Variants in ZBTB16 observed in about 807,000 individuals in gnomAD.
ZBTB16 encodes zinc finger and BTB domain-containing protein 16.
A neutral mutation model predicts 56.8 loss-of-function variants in ZBTB16; 8 were observed. That is an observed-to-expected ratio of 0.14 (90% CI 0.08 to 0.25). The LOEUF is 0.25. ZBTB16 is among the 10% of genes least tolerant of loss of function. The pLI is 1.00. For synonymous variants in ZBTB16, 363 were observed against 368.5 expected (o/e 0.98, Z 0.17); for missense variants, 625 against 903.0 (o/e 0.69, Z 3.95).
intron 5 of ZBTB16, among the ~76,000 whole-genome samples, 184 bp downstream of exon 5, chr11:114,242,521 TGGACCGTCG>T (rs1261227009): frequency 6.6e-6 from 1 of 152,198 alleles, no homozygotes; most frequent in African/African-American, 2.4e-5. Context: ...TCCCCTCCTG[TGGACCGTCG>T]GTTCAAAGTC....
chr11:114,173,446 G>C (rs1236661367), intron 3 of ZBTB16, among the ~76,000 whole-genome samples: 1 of 152,148 alleles, frequency 6.6e-6, no homozygotes, highest in Non-Finnish European at 1.5e-5. Context: ...CTCTTTCCCA[G>C]CTGTCACCAA....
rs1263850100 is a variant in ZBTB16 at position 114,156,449 on chromosome 11, C to T, written c.1366+15C>T. On this transcript the variant is annotated intron_variant, in intron 3 of 6. Coordinates refer to ENST00000335953, the MANE Select transcript of ZBTB16 (RefSeq NM_006006.6). ...GGCTCATTCAGGTAGGCAAGTTCGC[C>T]TTAGTGGCCCGTTCAGATACAGGCA... 5 of 1,612,934 alleles carry T rather than the reference C, an allele frequency of 3.1e-6. No homozygotes were observed. The Admixed American group carries it at 6.7e-5, about 22-fold the overall frequency.
At chr11:114,235,623 TCCC>T (rs1565701411) in intron 4 of ZBTB16, among the ~76,000 whole-genome samples, 4 of 50,300 alleles carry the variant, frequency 8.0e-5, no homozygotes, top group Non-Finnish European at 1.5e-4. Context: ...TCTTTCCCTC[TCCC>T]TTCCTTTCTT....
In ZBTB16 at chr11:114,251,115, C is replaced by T. The variant is rs1944910424; in HGVS notation, c.*560C>T. On this transcript the variant is annotated 3_prime_UTR_variant, in exon 7 of 7. Transcript: ENST00000335953. ...GTTTCTCTTCCCACCACTCAGCCCA[C>T]CTGCTGCTTTCCTCTGCTTTGCCAC... 6.6e-6 allele frequency among the ~76,000 whole-genome samples: 1 copy of T among 152,262 alleles called. No homozygotes were observed. Among genetic ancestry groups the T allele is most frequent in the South Asian group, 2.1e-4 (1 of 4,820 alleles).
At chr11:114,189,711 A>G (rs1943446710) in intron 4 of ZBTB16, 1 of 151,004 alleles carries the variant, frequency 6.6e-6, no homozygotes, top group African/African-American at 2.4e-5. Flanking sequence ...AGTTGCAGTG[A>G]GCTGAGATTG....
intron 2 of ZBTB16, among the ~76,000 whole-genome samples, chr11:114,132,769 T>C (rs1941700050): frequency 6.6e-6 from 1 of 152,162 alleles, no homozygotes; most frequent in Non-Finnish European, 1.5e-5. Context: ...TTAAGAGCTG[T>C]TATCACGGAT....
At chr11:114,110,077 T>A (rs1272679961) in intron 2 of ZBTB16, among the ~76,000 whole-genome samples, 1 of 151,818 alleles carries the variant, frequency 6.6e-6, no homozygotes, top group African/African-American at 2.4e-5. Context: ...AGAAGGGGCG[T>A]GAAGAATGTG....
At chr11:114,154,604 C>T (rs1021843468) in intron 2 of ZBTB16, among the ~76,000 whole-genome samples, 1 of 152,270 alleles carries the variant, frequency 6.6e-6, no homozygotes, top group East Asian at 1.9e-4. Flanking sequence ...ATTGTGAAAT[C>T]TATTTAGAGT....
intron 4 of ZBTB16, among the ~76,000 whole-genome samples, chr11:114,201,786 T>G (rs1305854474): frequency 6.6e-6 from 1 of 152,150 alleles, no homozygotes; most frequent in Non-Finnish European, 1.5e-5. Flanking sequence ...TCTTTAGAAG[T>G]GGGATTATAG....
chr11:114,205,332 C>T (rs1943838190), intron 4 of ZBTB16, among the ~76,000 whole-genome samples: 2 of 152,002 alleles, frequency 1.3e-5, no homozygotes, highest in South Asian at 4.2e-4. Flanking sequence ...ATGACGTGAA[C>T]CCGGGAGGTG....
At chr11:114,232,862 G>A (rs521374) in intron 4 of ZBTB16, among the ~76,000 whole-genome samples, 43,416 of 152,092 alleles carry the variant, frequency 0.29, 7,320 homozygotes, top group East Asian at 0.4. Context: ...GCTGCTTACT[G>A]CTGATTTATA....
intron 2 of ZBTB16, among the ~76,000 whole-genome samples, chr11:114,074,832 C>G (rs1939486510): frequency 6.6e-6 from 1 of 152,212 alleles, no homozygotes. Flanking sequence ...GCCGGGGAGA[C>G]CCTGTGCAGG....
chr11:114,060,144 T>G lies in ZBTB16; in HGVS notation c.-91+262T>G. 5.1e-6 allele frequency: 1 copy of G among 197,472 alleles called. No homozygotes were observed. Among genetic ancestry groups the G allele is most frequent in the Non-Finnish European group, 1.0e-5 (1 of 98,916 alleles). 12.2% of individuals were successfully genotyped at this position (197,472 alleles called of 1,614,324 possible). On this transcript the variant is annotated intron_variant, in intron 1 of 6. Coordinates refer to ENST00000335953, the MANE Select transcript of ZBTB16 (RefSeq NM_006006.6). The surrounding 1 kb of genome is among the most constrained non-coding windows in gnomAD (Gnocchi z 6.0). ...CTTCCTCTTCAGGGCACGGTCGGGGTGAGAGGTGGGGGGCGTAGCGGTGTG... is the reference window on the plus strand; with the variant it reads ...CTTCCTCTTCAGGGCACGGTCGGGGGGAGAGGTGGGGGGCGTAGCGGTGTG...
intron 2 of ZBTB16, among the ~76,000 whole-genome samples, chr11:114,068,924 A>G (rs1345423425): frequency 2.6e-5 from 4 of 152,206 alleles, no homozygotes; most frequent in African/African-American, 9.6e-5. Context: ...GTCCTCATTT[A>G]TAGTCCCTAG....
chr11:114,216,236 G>C (rs1329996398), intron 4 of ZBTB16, among the ~76,000 whole-genome samples: 2 of 152,208 alleles, frequency 1.3e-5, no homozygotes, highest in African/African-American at 4.8e-5. Flanking sequence ...TTGGATGGGT[G>C]GGGACAAATG....
At chr11:114,172,649 A>T (rs148440854) in intron 3 of ZBTB16, among the ~76,000 whole-genome samples, 33 of 152,282 alleles carry the variant, frequency 2.2e-4, no homozygotes, top group Middle Eastern at 6.8e-3. Flanking sequence ...ACGTTTGCAG[A>T]TGCTCACCCT....
At chr11:114,211,261 C>T (rs1943993777) in intron 4 of ZBTB16, among the ~76,000 whole-genome samples, 1 of 152,152 alleles carries the variant, frequency 6.6e-6, no homozygotes, top group African/African-American at 2.4e-5. Context: ...TCCTTCCAGG[C>T]AGAAATCCAT....
At chr11:114,123,044 G>A (rs1010594298) in intron 2 of ZBTB16, among the ~76,000 whole-genome samples, 1 of 152,096 alleles carries the variant, frequency 6.6e-6, no homozygotes, top group African/African-American at 2.4e-5. Context: ...CCTCCTTCTC[G>A]CCGAGTCCTC....
intron 4 of ZBTB16, among the ~76,000 whole-genome samples, chr11:114,227,241 T>G (rs1415107461): frequency 6.6e-6 from 1 of 152,118 alleles, no homozygotes; most frequent in Non-Finnish European, 1.5e-5. Flanking sequence ...CCCCCAGTAT[T>G]GCACATCAGG....
Sources: allele counts gnomAD v4.1 joint callset (sites outside exome capture counted in the v4.1 genomes callset), GRCh38; gene constraint gnomAD v4.1.1; non-coding constraint Gnocchi (gnomAD v3.1); transcripts MANE v1.5; gene names NCBI Gene and HGNC (gene_info 2026-07-23, HGNC 2026-07-21).